The following CHKA variants were observed in gnomAD, a reference collection of about 807,000 sequenced individuals.
CHKA encodes the protein CHETK-alpha.
A neutral mutation model predicts 60.1 loss-of-function variants in CHKA; 34 were observed. The ratio of observed to expected loss-of-function variants is 0.57; its 90% CI spans 0.43 to 0.75. CHKA has a LOEUF of 0.75. CHKA is among the 30% of genes least tolerant of loss of function. The probability of loss-of-function intolerance (pLI) is 0.00; values close to 1 mark genes in which losing one functional copy is unlikely to be tolerated. For missense variants in CHKA, 563 were observed against 561.3 expected (o/e 1.00, Z -0.03); for synonymous variants, 217 against 223.1 (o/e 0.97, Z 0.24).
chr11:68,091,596 T>C (rs2134638439), intron 2 of CHKA, among the ~76,000 whole-genome samples: 1 of 152,336 alleles, frequency 6.6e-6, no homozygotes, highest in South Asian at 2.1e-4. Context: ...AAGAGACAGA[T>C]GTTTGTGGGA....
At chr11:68,079,117 A>G (rs1423499717) in intron 3 of CHKA, among the ~76,000 whole-genome samples, 1 of 151,766 alleles carries the variant, frequency 6.6e-6, no homozygotes, top group Non-Finnish European at 1.5e-5. Flanking sequence ...TATTTTTAGT[A>G]AAAACAGGGT....
chr11:68,056,650 C>T (rs1856026168), intron 11 of CHKA, among the ~76,000 whole-genome samples: 1 of 152,182 alleles, frequency 6.6e-6, no homozygotes, highest in Admixed American at 6.5e-5. Flanking sequence ...CCCACAGGGA[C>T]AGAAGCTCCT....
intron 1 of CHKA, among the ~76,000 whole-genome samples, chr11:68,111,763 C>T (rs1179105368): frequency 1.3e-5 from 2 of 151,540 alleles, no homozygotes; most frequent in South Asian, 4.2e-4. Context: ...AACAAATGGT[C>T]CTGGAACATG....
At chr11:68,096,538 A>T (rs111571718) in intron 2 of CHKA, among the ~76,000 whole-genome samples, 3,258 of 152,274 alleles carry the variant, frequency 0.021, 124 homozygotes, top group African/African-American at 0.074. Context: ...TTATGACTGT[A>T]ACAAACAACT....
At chr11:68,092,520 T>A (rs1431442201) in intron 2 of CHKA, among the ~76,000 whole-genome samples, 1 of 152,236 alleles carries the variant, frequency 6.6e-6, no homozygotes, top group East Asian at 1.9e-4. Context: ...GTGTGGCAGC[T>A]CAGCTTCTAA....
At chr11:68,082,773 A>G (rs1486514628) in intron 2 of CHKA, among the ~76,000 whole-genome samples, 1 of 152,266 alleles carries the variant, frequency 6.6e-6, no homozygotes, top group African/African-American at 2.4e-5. Context: ...TACATATTCA[A>G]TACTATATTT....
chr11:68,066,362 T>C, intron 8 of CHKA, 67 bp downstream of exon 8: 8 of 1,302,282 alleles, frequency 6.1e-6, no homozygotes, highest in Non-Finnish European at 8.9e-6. Context: ...CTCTAATAAC[T>C]GTTAATTAAG....
At chr11:68,074,928 A>G (rs1303024075) in intron 3 of CHKA, 98 bp from the exon 4 acceptor site, 1 of 1,069,204 alleles carries the variant, frequency 9.4e-7, no homozygotes, top group African/African-American at 1.6e-5. Context: ...GATCCTCATG[A>G]GTATTCTTTC....
chr11:68,059,423 C>T (rs1672447225), intron 11 of CHKA, among the ~76,000 whole-genome samples: 2 of 152,104 alleles, frequency 1.3e-5, no homozygotes, highest in South Asian at 2.1e-4. Context: ...TGCCACTTGA[C>T]CATAATATAT....
At chr11:68,120,474 GC>G (rs1467764056) in intron 1 of CHKA, among the ~76,000 whole-genome samples, 1 of 152,202 alleles carries the variant, frequency 6.6e-6, no homozygotes. Context: ...TTCATTCAAG[GC>G]CCTAAACCGC....
intron 3 of CHKA, among the ~76,000 whole-genome samples, chr11:68,076,934 G>T (rs1047666069): frequency 2.0e-5 from 3 of 152,168 alleles, no homozygotes; most frequent in African/African-American, 4.8e-5. Flanking sequence ...TGGAGAGAAG[G>T]ATTTGGAGAG....
Position 68,064,529 on chromosome 11 carries a change from T to C in CHKA, c.1228A>G (p.Asn410Asp). Residue 410 changes from asparagine (N) to aspartate (D), a missense_variant, in exon 10 of 12, where the codon AAT (asparagine) becomes GAT (aspartate). Physicochemically the swap from Asn to Asp is conservative, Grantham distance 23. Transcript: ENST00000265689. ...TCAAAAAAGGAAAAATGTTACCTATTAACTTCAAGCAACATTTCTTCTTTT... is the reference window on the plus strand; with the variant it reads ...TCAAAAAAGGAAAAATGTTACCTATCAACTTCAAGCAACATTTCTTCTTTT... ...IIKEEMLLEV[N>D]RFALASHFLW... 1 of 1,510,688 alleles carries C rather than the reference T, an allele frequency of 6.6e-7. No individual in the cohort carries two copies. Among genetic ancestry groups the C allele is most frequent in the Non-Finnish European group, 9.0e-7 (1 of 1,105,484 alleles). 93.6% of individuals were successfully genotyped at this position (1,510,688 alleles called of 1,614,324 possible).
rs567031361 is a variant in CHKA at position 68,070,079 on chromosome 11, T to C, written c.869+110A>G. On this transcript the variant is annotated intron_variant, in intron 6 of 11. Coordinates refer to ENST00000265689, the MANE Select transcript of CHKA (RefSeq NM_001277.3). ...CAAAACTTATGGTTTAAATTCATCC[T>C]GTAAAACCAATGTAAAATGCCAGAC... is the stretch of plus-strand genomic sequence containing the variant. 6.1e-6 allele frequency: 5 copies of C among 816,534 alleles called. No homozygotes were observed. The African/African-American group carries it at 8.6e-5, about 14-fold the overall frequency. The allele number at this position is 816,534 out of a possible 1,614,324, so 50.6% of individuals were successfully genotyped here.
intron 2 of CHKA, among the ~76,000 whole-genome samples, chr11:68,084,329 CAT>C (rs1463671770): frequency 7.3e-6 from 1 of 136,932 alleles, no homozygotes; most frequent in Non-Finnish European, 1.6e-5. Context: ...TATATATACA[CAT>C]ATACGTATAT....
In CHKA at chr11:68,120,859, G is replaced by C; in HGVS notation, c.319C>G (p.Arg107Gly). Residue 107 changes from arginine (R) to glycine (G), a missense_variant, in exon 1 of 12, where the codon CGC becomes GGC. Transcript: ENST00000265689. ...ACACTGATGTGGAACTCGTCCTCGC[G>C]GAGGCCCCGCCAGGCGCCGGGCAGG... Reference protein sequence around the residue: ...EFLPGAWRGLREDEFHISVIR... With the variant: ...EFLPGAWRGLGEDEFHISVIR... The C allele has an allele frequency of 3.0e-6, 4 of 1,345,500 alleles. No individual in the cohort carries two copies. Among genetic ancestry groups the C allele is most frequent in the Non-Finnish European group, 3.9e-6 (4 of 1,033,146 alleles). 83.3% of individuals were successfully genotyped at this position (1,345,500 alleles called of 1,614,324 possible).
intron 1 of CHKA, among the ~76,000 whole-genome samples, chr11:68,109,899 C>T (rs184134195): frequency 1.3e-5 from 2 of 152,112 alleles, no homozygotes; most frequent in East Asian, 1.9e-4. Context: ...TTGCAGTGAG[C>T]CGAGGTCACG....
chr11:68,061,287 G>A (rs1042863061), intron 11 of CHKA, among the ~76,000 whole-genome samples: 1 of 151,768 alleles, frequency 6.6e-6, no homozygotes, highest in Non-Finnish European at 1.5e-5. Flanking sequence ...GGTATTTTTA[G>A]TAGAGATGGG....
intron 1 of CHKA, among the ~76,000 whole-genome samples, chr11:68,110,870 C>T (rs1387380832): frequency 6.0e-5 from 9 of 151,256 alleles, no homozygotes; most frequent in Admixed American, 5.9e-4. Flanking sequence ...TGGTGGCATG[C>T]ACCTATAATC....
At chr11:68,063,723 GT>G (rs1187274097) in intron 10 of CHKA, among the ~76,000 whole-genome samples, 2 of 152,172 alleles carry the variant, frequency 1.3e-5, no homozygotes, top group African/African-American at 2.4e-5. Flanking sequence ...CATGGGGGTA[GT>G]TTCCCCCATG....
Sources: allele counts gnomAD v4.1 joint callset (sites outside exome capture counted in the v4.1 genomes callset), GRCh38; gene constraint gnomAD v4.1.1; transcripts MANE v1.5; gene names NCBI Gene and HGNC (gene_info 2026-07-23, HGNC 2026-07-21).